The following SEMA6A variants were observed in gnomAD, a reference collection of about 807,000 sequenced individuals.
SEMA6A encodes the protein semaphorin-6A.
A neutral mutation model predicts 96.8 loss-of-function variants in SEMA6A; 25 were observed. The observed-to-expected ratio is 0.26, with a 90% CI of 0.19 to 0.36. SEMA6A has a LOEUF of 0.36. Ranked by LOEUF, SEMA6A falls within the 10% of genes least tolerant of loss-of-function variation. The probability of loss-of-function intolerance (pLI) is 1.00; values close to 1 mark genes in which losing one functional copy is unlikely to be tolerated. For synonymous variants in SEMA6A, 612 were observed against 518.0 expected (o/e 1.18, Z -2.46); for missense variants, 1,363 against 1,323.1 (o/e 1.03, Z -0.47).
At position 116,486,979 on chromosome 5, in the gene SEMA6A, AAC is replaced by A. The variant is rs1281010399; in HGVS notation, c.745-15_745-14del. The A allele has an allele frequency of 1.3e-6, 2 of 1,591,158 alleles. No homozygotes were observed. ...TTGGGAAAACTACCTGCAGAGGAAA[AAC>A]ACATAGGGAAAATTAAATGCATTCA... is the stretch of plus-strand genomic sequence containing the variant. On this transcript the variant is annotated splice_polypyrimidine_tract_variant and intron_variant, in intron 9 of 18. Transcript: ENST00000343348.
intron 15 of SEMA6A, 73 bp from the exon 16 acceptor site, chr5:116,475,676 TCA>T: frequency 9.1e-7 from 1 of 1,099,178 alleles, no homozygotes; most frequent in East Asian, 2.6e-5. Context: ...GAGTCAAGCT[TCA>T]CTAAAGACAG....
intron 15 of SEMA6A, among the ~76,000 whole-genome samples, chr5:116,475,959 A>G (rs1482122808): frequency 2.6e-5 from 4 of 152,230 alleles, no homozygotes; most frequent in Non-Finnish European, 4.4e-5. Context: ...GGAAGTCTAT[A>G]AATTAAAAAG....
chr5:116,511,628 T>TA (rs760931256), intron 1 of SEMA6A, among the ~76,000 whole-genome samples: 1 of 152,186 alleles, frequency 6.6e-6, no homozygotes, highest in African/African-American at 2.4e-5. Context: ...GCTTCGGTGA[T>TA]AAAAATCTAT....
chr5:116,557,493 A>G (rs575220481), intron 1 of SEMA6A, among the ~76,000 whole-genome samples: 1 of 152,252 alleles, frequency 6.6e-6, no homozygotes, highest in Non-Finnish European at 1.5e-5. Flanking sequence ...CTTAATACTT[A>G]TAATTTTTAT....
chr5:116,447,904 G>GT lies in SEMA6A; in HGVS notation c.1895-94dup, dbSNP rs1287531624. The GT allele has an allele frequency of 5.8e-6, 6 of 1,038,212 alleles. No homozygotes were observed. In the African/African-American group the frequency reaches 6.5e-5, roughly 11 times the overall value. The allele number at this position is 1,038,212 out of a possible 1,614,324, so 64.3% of individuals were successfully genotyped here. A position where few individuals can be genotyped will look rare whatever the true frequency, so the allele number is the denominator to read the frequency against. ...TTCACCTTGTTAATTAATAACAGTA[G>GT]TAAGTGACAACAGCACCTCTGCACA... On this transcript the variant is annotated intron_variant, in intron 18 of 18. Coordinates refer to ENST00000343348, the MANE Select transcript of SEMA6A (RefSeq NM_020796.5).
intron 1 of SEMA6A, among the ~76,000 whole-genome samples, chr5:116,508,718 A>G (rs556716353): frequency 1.4e-3 from 214 of 152,338 alleles, no homozygotes; most frequent in Non-Finnish European, 6.0e-4. Flanking sequence ...TGCTAGTCCA[A>G]GACCCCACCT....
chr5:116,475,006 TAAA>T (rs1388849035), intron 16 of SEMA6A, among the ~76,000 whole-genome samples: 3 of 152,354 alleles, frequency 2.0e-5, no homozygotes, highest in Non-Finnish European at 2.9e-5. Flanking sequence ...CCAATTCCTA[TAAA>T]AAGATTATTT....
rs776329109 is a variant in SEMA6A at position 116,482,554 on chromosome 5, A to G, written c.984T>C (p.Cys328=). 6.2e-7 allele frequency: 1 copy of G among 1,613,684 alleles called. No individual in the cohort carries two copies. The highest frequency in any genetic ancestry group is 8.5e-7 in the Non-Finnish European group (1 of 1,179,680). ...TGGCAATGTCAAGCATGTCATAGGC[A>G]CAGACTGCAGACCCAGGGATGCTAC... ...PYNSIPGSAV[C]AYDMLDIASV... The change falls in exon 11 of 19, where the codon TGT becomes TGC. Residue 328 remains cysteine (C), a synonymous_variant. Coordinates refer to ENST00000343348, the MANE Select transcript of SEMA6A (RefSeq NM_020796.5).
intron 1 of SEMA6A, chr5:116,563,007 T>A: frequency 1.8e-6 from 1 of 545,598 alleles, no homozygotes; most frequent in Non-Finnish European, 3.5e-6. Context: ...GTGGTCGCCA[T>A]CTGTGAACAA....
intron 1 of SEMA6A, among the ~76,000 whole-genome samples, chr5:116,536,866 T>TAAAAAA (rs72214884): frequency 5.5e-4 from 38 of 69,522 alleles, no homozygotes; most frequent in African/African-American, 1.2e-3. Context: ...TGTGATTTCT[T>TAAAAAA]AAAAAAAAAA....
chr5:116,534,020 T>G (rs1759606266), intron 1 of SEMA6A, among the ~76,000 whole-genome samples: 1 of 152,220 alleles, frequency 6.6e-6, no homozygotes, highest in African/African-American at 2.4e-5. Flanking sequence ...CTCCACCTTT[T>G]CTTCCCTTGA....
intron 1 of SEMA6A, among the ~76,000 whole-genome samples, chr5:116,557,272 G>C (rs1398534314): frequency 6.6e-6 from 1 of 152,148 alleles, no homozygotes; most frequent in East Asian, 1.9e-4. Flanking sequence ...CTGTCTCCCA[G>C]GCTGCAGTGC....
chr5:116,463,809 T>C (rs1173761281), intron 18 of SEMA6A, among the ~76,000 whole-genome samples: 1 of 152,222 alleles, frequency 6.6e-6, no homozygotes, highest in African/African-American at 2.4e-5. Context: ...TATTATAAAA[T>C]AAAGTCTGAA....
At chr5:116,526,169 C>T (rs1217618212) in intron 1 of SEMA6A, among the ~76,000 whole-genome samples, 1 of 152,060 alleles carries the variant, frequency 6.6e-6, no homozygotes, top group Non-Finnish European at 1.5e-5. Context: ...TTGAACTACT[C>T]TTCCCATGAC....
At chr5:116,524,488 T>TA (rs1484027231) in intron 1 of SEMA6A, among the ~76,000 whole-genome samples, 1 of 152,190 alleles carries the variant, frequency 6.6e-6, no homozygotes, top group Non-Finnish European at 1.5e-5. Flanking sequence ...ATCCAGTTCA[T>TA]ACTCCTTTTC....
At chr5:116,470,384 A>G (rs1350974803) in intron 17 of SEMA6A, among the ~76,000 whole-genome samples, 1 of 152,232 alleles carries the variant, frequency 6.6e-6, no homozygotes, top group Non-Finnish European at 1.5e-5. Flanking sequence ...TTATCAGTCC[A>G]ATAAGAAAGG....
chr5:116,550,887 A>T (rs1306575307), intron 1 of SEMA6A, among the ~76,000 whole-genome samples: 1 of 152,168 alleles, frequency 6.6e-6, no homozygotes, highest in African/African-American at 2.4e-5. Context: ...AGCCCTGGAG[A>T]TCAGGTTTGT....
intron 1 of SEMA6A, among the ~76,000 whole-genome samples, chr5:116,521,296 C>T (rs1185535766): frequency 6.6e-6 from 1 of 152,212 alleles, no homozygotes; most frequent in Non-Finnish European, 1.5e-5. Context: ...TTGCCAATGA[C>T]ACACAGACCC....
intron 1 of SEMA6A, among the ~76,000 whole-genome samples, chr5:116,528,837 G>A (rs192535265): frequency 2.6e-5 from 4 of 152,288 alleles, no homozygotes; most frequent in Admixed American, 6.5e-5. Context: ...ATAATCATCC[G>A]TTCTACCGCT....
Sources: allele counts gnomAD v4.1 joint callset (sites outside exome capture counted in the v4.1 genomes callset), GRCh38; gene constraint gnomAD v4.1.1; transcripts MANE v1.5; gene names NCBI Gene and HGNC (gene_info 2026-07-23, HGNC 2026-07-21).